Variants in GREB1L observed in about 807,000 individuals in gnomAD.
The protein encoded by GREB1L is GREB1-like protein.
A neutral mutation model predicts 200.8 loss-of-function variants in GREB1L; 17 were observed. The observed-to-expected ratio is 0.08, with a 90% CI of 0.06 to 0.13. The LOEUF (loss-of-function observed/expected upper bound fraction) is 0.13. Among genes scored for constraint, GREB1L ranks in the 10% least tolerant of loss-of-function variants. The probability of loss-of-function intolerance (pLI) is 1.00; values close to 1 mark genes in which losing one functional copy is unlikely to be tolerated. For missense variants in GREB1L, 1,657 were observed against 2,367.7 expected (o/e 0.70, Z 6.23); for synonymous variants, 789 against 893.0 (o/e 0.88, Z 2.08).
intron 1 of GREB1L, among the ~76,000 whole-genome samples, chr18:21,352,338 A>G (rs562728268): frequency 2.0e-5 from 3 of 152,236 alleles, no homozygotes; most frequent in South Asian, 2.1e-4. Flanking sequence ...GAAAACGTCA[A>G]TGTTTTGCAA....
intron 11 of GREB1L, 70 bp downstream of exon 11, chr18:21,444,479 C>G: frequency 1.6e-6 from 2 of 1,236,574 alleles, no homozygotes; most frequent in Non-Finnish European, 2.3e-6. Flanking sequence ...CTTTTTCTTT[C>G]TTTCTCACAT....
chr18:21,252,852 G>A (rs1426809941), intron 1 of GREB1L, among the ~76,000 whole-genome samples: 6 of 152,078 alleles, frequency 3.9e-5, no homozygotes, highest in Non-Finnish European at 7.4e-5. Context: ...GAGTGAGACT[G>A]TCCCTCCCCA....
chr18:21,273,975 A>C (rs1266160040), intron 1 of GREB1L, among the ~76,000 whole-genome samples: 2 of 152,246 alleles, frequency 1.3e-5, no homozygotes, highest in Non-Finnish European at 2.9e-5. Context: ...CCATCATAAA[A>C]TATTTTAGAA....
intron 1 of GREB1L, among the ~76,000 whole-genome samples, chr18:21,260,791 T>C (rs1306488309): frequency 6.6e-6 from 1 of 152,086 alleles, no homozygotes; most frequent in East Asian, 1.9e-4. Flanking sequence ...GTTATGATAG[T>C]CCAGCTGCCA....
intron 1 of GREB1L, among the ~76,000 whole-genome samples, chr18:21,358,390 G>A (rs1201954061): frequency 2.0e-5 from 3 of 152,032 alleles, no homozygotes; most frequent in Non-Finnish European, 4.4e-5. Context: ...ATCTCAGCTC[G>A]CTGCAAGCTC....
intron 1 of GREB1L, among the ~76,000 whole-genome samples, chr18:21,277,056 G>C (rs1045036923): frequency 6.6e-6 from 1 of 150,986 alleles, no homozygotes; most frequent in African/African-American, 2.4e-5. Flanking sequence ...AGCCTCCCAA[G>C]TAGCTGGGAC....
At chr18:21,457,418 T>C (rs752523373) in intron 15 of GREB1L, among the ~76,000 whole-genome samples, 5 of 152,260 alleles carry the variant, frequency 3.3e-5, no homozygotes, top group Middle Eastern at 3.2e-3. Context: ...CATACCTTTA[T>C]TTTGTTATAA....
chr18:21,477,794 A>C (rs1156380740), intron 17 of GREB1L, among the ~76,000 whole-genome samples: 1 of 151,988 alleles, frequency 6.6e-6, no homozygotes, highest in Non-Finnish European at 1.5e-5. Flanking sequence ...TCAAAAAAAA[A>C]AAAAACAAAA....
At chr18:21,520,018 C>T (rs2037558107) in intron 31 of GREB1L, among the ~76,000 whole-genome samples, 1 of 151,624 alleles carries the variant, frequency 6.6e-6, no homozygotes, top group Admixed American at 6.6e-5. Context: ...CTCAGTGCAA[C>T]CTCCACCTCC....
chr18:21,495,888 T>C (rs1433060683), intron 20 of GREB1L, 103 bp downstream of exon 20: 1 of 642,884 alleles, frequency 1.6e-6, no homozygotes, highest in Non-Finnish European at 2.7e-6. Flanking sequence ...TGGCAGGTAA[T>C]GAGAAGAGGA....
intron 2 of GREB1L, among the ~76,000 whole-genome samples, chr18:21,379,453 G>T (rs189118745): frequency 1.3e-5 from 2 of 152,122 alleles, no homozygotes; most frequent in East Asian, 3.9e-4. Context: ...TGATCTGCCC[G>T]CCTTGGCCTC....
chr18:21,502,839 ATTT>A (rs377265849), intron 23 of GREB1L, among the ~76,000 whole-genome samples: 1 of 152,004 alleles, frequency 6.6e-6, no homozygotes, highest in African/African-American at 2.4e-5. Flanking sequence ...GATGCCTTTG[ATTT>A]TTTTCCTCAG....
chr18:21,472,887 A>G, intron 15 of GREB1L, 144 bp from the exon 16 acceptor site: 1 of 540,370 alleles, frequency 1.9e-6, no homozygotes, highest in Non-Finnish European at 3.2e-6. Flanking sequence ...GATGGGGAAC[A>G]TAAGAAAGAA....
intron 1 of GREB1L, among the ~76,000 whole-genome samples, chr18:21,262,592 A>G (rs2037906467): frequency 6.6e-6 from 1 of 152,178 alleles, no homozygotes; most frequent in South Asian, 2.1e-4. Flanking sequence ...TTTAAGACAG[A>G]TATTTTGTAA....
chr18:21,472,515 G>T (rs1724574584), intron 15 of GREB1L, among the ~76,000 whole-genome samples: 1 of 152,084 alleles, frequency 6.6e-6, no homozygotes, highest in African/African-American at 2.4e-5. Context: ...GTGCAAGATG[G>T]TCACTGTATA....
At chr18:21,261,624 TC>T (rs1417727812) in intron 1 of GREB1L, among the ~76,000 whole-genome samples, 1 of 152,080 alleles carries the variant, frequency 6.6e-6, no homozygotes, top group Non-Finnish European at 1.5e-5. Context: ...CCCTAACCTT[TC>T]TATATGTAAA....
In GREB1L at chr18:21,247,770, CATA is replaced by C. The variant is rs1301088834; in HGVS notation, c.-120+5380_-120+5382del. On this transcript the variant is annotated intron_variant, in intron 1 of 32. Transcript: ENST00000424526. ...AATTCGTATTATGTTGTCAAAATTACATAATGTCACTACCCTTCTAGGAGTGTC... is the reference window on the plus strand; with the variant it reads ...AATTCGTATTATGTTGTCAAAATTACATGTCACTACCCTTCTAGGAGTGTC... Among the ~76,000 whole-genome samples the C allele has an allele frequency of 2.6e-5, 4 of 152,162 alleles. No individual in the cohort carries two copies. In the East Asian group the frequency reaches 7.7e-4, roughly 29 times the overall value.
At chr18:21,263,706 A>G (rs577499869) in intron 1 of GREB1L, among the ~76,000 whole-genome samples, 1 of 152,308 alleles carries the variant, frequency 6.6e-6, no homozygotes, top group South Asian at 2.1e-4. Flanking sequence ...CTTACTTTAA[A>G]TGCTACCTAC....
At chr18:21,353,746 T>G (rs900032066) in intron 1 of GREB1L, among the ~76,000 whole-genome samples, 2 of 152,178 alleles carry the variant, frequency 1.3e-5, no homozygotes, top group African/African-American at 2.4e-5. Flanking sequence ...TTAAATTTAA[T>G]CTTTTATTCT....
Sources: gnomAD v4.1 joint callset for allele counts (sites outside exome capture counted in the v4.1 genomes callset) on GRCh38, gnomAD v4.1.1 for gene constraint, MANE v1.5 for transcripts, NCBI Gene and HGNC (gene_info 2026-07-23, HGNC 2026-07-21) for gene names.